The following RBFOX1 variants were observed in gnomAD, a reference collection of about 807,000 sequenced individuals.
RBFOX1 encodes the protein RNA binding protein fox-1 homolog 1.
A neutral mutation model predicts 57.7 loss-of-function variants in RBFOX1; 8 were observed. The ratio of observed to expected loss-of-function variants is 0.14; its 90% CI spans 0.08 to 0.25. RBFOX1 has a LOEUF of 0.25. Ranked by LOEUF, RBFOX1 falls within the 10% of genes least tolerant of loss-of-function variation. The pLI is 1.00. For missense variants in RBFOX1, 611 were observed against 548.5 expected, an observed-to-expected ratio of 1.11 and a Z score of -1.14; for synonymous variants, 326 against 222.4, an observed-to-expected ratio of 1.47 and a Z score of -4.15.
intron 5 of RBFOX1, among the ~76,000 whole-genome samples, chr16:7,551,755 T>TC (rs1480665550): frequency 6.6e-6 from 1 of 152,164 alleles, no homozygotes; most frequent in Admixed American, 6.5e-5. Context: ...TTCCATGAGA[T>TC]CCCACTGGTA....
intron 3 of RBFOX1, among the ~76,000 whole-genome samples, chr16:6,867,472 A>G (rs1167920072): frequency 7.9e-5 from 12 of 151,874 alleles, no homozygotes. Flanking sequence ...TAATTCCAGC[A>G]CTTTGGGGGG....
intron 2 of RBFOX1, among the ~76,000 whole-genome samples, chr16:6,443,797 C>G (rs1356936872): frequency 2.6e-5 from 4 of 152,122 alleles, no homozygotes; most frequent in African/African-American, 7.2e-5. Flanking sequence ...TGCCAGCCTA[C>G]CTATCCATTT....
At chr16:5,661,300 A>G (rs1262525598) in intron 3 of RBFOX1, among the ~76,000 whole-genome samples, 1 of 152,208 alleles carries the variant, frequency 6.6e-6, no homozygotes, top group Non-Finnish European at 1.5e-5. Flanking sequence ...GTGACAGTGA[A>G]CATTTTGTCA....
intron 1 of RBFOX1, among the ~76,000 whole-genome samples, chr16:5,274,903 C>T (rs887488510): frequency 6.6e-6 from 1 of 152,198 alleles, no homozygotes; most frequent in Non-Finnish European, 1.5e-5. Flanking sequence ...TCATTAACTT[C>T]TATTCTGCAG....
At chr16:6,933,182 G>A (rs1188643334) in intron 3 of RBFOX1, among the ~76,000 whole-genome samples, 1 of 152,188 alleles carries the variant, frequency 6.6e-6, no homozygotes, top group Non-Finnish European at 1.5e-5. Context: ...TTGAGTTACT[G>A]TGAATGATGC....
At chr16:7,071,941 C>G (rs1228979185) in intron 4 of RBFOX1, among the ~76,000 whole-genome samples, 9 of 152,110 alleles carry the variant, frequency 5.9e-5, no homozygotes, top group Admixed American at 5.2e-4. Flanking sequence ...TTCAGCTCTA[C>G]CTTCTCCTTT....
chr16:7,040,018 T>C (rs1432620313), intron 3 of RBFOX1, among the ~76,000 whole-genome samples: 1 of 150,884 alleles, frequency 6.6e-6, no homozygotes, highest in African/African-American at 2.4e-5. Flanking sequence ...ATTATTATTA[T>C]TATCATTATT....
intron 2 of RBFOX1, among the ~76,000 whole-genome samples, chr16:6,532,375 T>G (rs2096670475): frequency 1.3e-5 from 2 of 152,182 alleles, no homozygotes; most frequent in Non-Finnish European, 2.9e-5. Context: ...CTGGAGGGTT[T>G]CAGAGCTGCC....
chr16:6,740,358 A>C (rs1403555460), intron 3 of RBFOX1, among the ~76,000 whole-genome samples: 1 of 152,216 alleles, frequency 6.6e-6, no homozygotes, highest in Non-Finnish European at 1.5e-5. Context: ...ACAAGACACC[A>C]CTGCTATTCA....
At chr16:5,605,545 A>T (rs2047541489) in intron 3 of RBFOX1, among the ~76,000 whole-genome samples, 2 of 152,002 alleles carry the variant, frequency 1.3e-5, no homozygotes, top group Admixed American at 1.3e-4. Context: ...GAGTGGTGCC[A>T]TTGATTAGTA....
chr16:6,029,561 C>T (rs1175274996), intron 1 of RBFOX1, among the ~76,000 whole-genome samples: 2 of 151,910 alleles, frequency 1.3e-5, no homozygotes, highest in African/African-American at 2.4e-5. Context: ...ATCACGAGGT[C>T]AGGAGATCGA....
intron 1 of RBFOX1, among the ~76,000 whole-genome samples, chr16:6,120,917 C>T (rs770108677): frequency 6.4e-4 from 98 of 152,274 alleles, no homozygotes; most frequent in Admixed American, 2.6e-3. Context: ...GAGAGGAGAA[C>T]GAAGTCTGGG....
intron 12 of RBFOX1, 97 bp from the exon 13 acceptor site, chr16:7,664,832 C>G: frequency 5.0e-6 from 8 of 1,605,856 alleles, no homozygotes; most frequent in South Asian, 4.4e-5. Flanking sequence ...TGTTTTGGAT[C>G]TTGTGACCAG....
At chr16:7,037,685 A>T (rs2044929071) in intron 3 of RBFOX1, among the ~76,000 whole-genome samples, 1 of 152,218 alleles carries the variant, frequency 6.6e-6, no homozygotes. Flanking sequence ...AAATCATGTG[A>T]TGACCCTGTG....
intron 4 of RBFOX1, among the ~76,000 whole-genome samples, chr16:5,895,146 A>T (rs1597678902): frequency 2.0e-5 from 3 of 152,364 alleles, no homozygotes. Flanking sequence ...CATGTCTTCA[A>T]CCATAAGATT....
In RBFOX1 at chr16:6,871,911, C is replaced by CTGTGTGTGTGTGTGTG. The variant is rs57684251; in HGVS notation, c.-15-180110_-15-180095dup. Among the ~76,000 whole-genome samples, 83 of 129,666 alleles carry CTGTGTGTGTGTGTGTG rather than the reference C, an allele frequency of 6.4e-4. 2 individuals are homozygous for CTGTGTGTGTGTGTGTG. Among genetic ancestry groups the CTGTGTGTGTGTGTGTG allele is most frequent in the African/African-American group, 2.6e-3 (83 of 32,306 alleles). 85.1% of individuals were successfully genotyped at this position (129,666 alleles called of 152,430 possible). A position where few individuals can be genotyped will look rare whatever the true frequency, so the allele number is the denominator to read the frequency against. On this transcript the variant is annotated intron_variant, in intron 3 of 15. Transcript: ENST00000550418. ...AGGCTCTTTGAGAGAGGGAGAGAGT[C>CTGTGTGTGTGTGTGTG]TGTGTGTGTGTGTGTGTGTGTGTGT...
At chr16:7,015,184 G>C (rs1308398239) in intron 3 of RBFOX1, among the ~76,000 whole-genome samples, 2 of 152,128 alleles carry the variant, frequency 1.3e-5, no homozygotes, top group African/African-American at 4.8e-5. Context: ...GATTTGTTGT[G>C]GTGACAGCAG....
At chr16:7,270,028 C>T (rs1313920594) in intron 4 of RBFOX1, among the ~76,000 whole-genome samples, 1 of 152,192 alleles carries the variant, frequency 6.6e-6, no homozygotes, top group East Asian at 1.9e-4. Flanking sequence ...AGAGTAAACA[C>T]ATATCATGCT....
chr16:7,335,607 AAAC>A (rs2096772412), intron 4 of RBFOX1, among the ~76,000 whole-genome samples: 1 of 63,670 alleles, frequency 1.6e-5, no homozygotes, highest in Non-Finnish European at 2.9e-5. Context: ...AAAAAAAAAA[AAAC>A]CAAGTGATTT....
Sources: allele counts gnomAD v4.1 joint callset (sites outside exome capture counted in the v4.1 genomes callset), GRCh38; gene constraint gnomAD v4.1.1; transcripts MANE v1.5; gene names NCBI Gene and HGNC (gene_info 2026-07-23, HGNC 2026-07-21).